Variants in ERVV-2 observed in about 807,000 individuals in gnomAD.
The protein encoded by ERVV-2 is endogenous retrovirus group V member 2, envelope, also known as endogenous retrovirus group V member 2 Env polyprotein.
For synonymous variants in ERVV-2, 105 were observed against 184.6 expected, an observed-to-expected ratio of 0.57 and a Z score of 3.49; for missense variants, 291 against 495.1, an observed-to-expected ratio of 0.59 and a Z score of 3.91.
Position 53,051,009 on chromosome 19 carries a change from C to A in ERVV-2, c.*150C>A. 1 of 631,060 alleles carries A rather than the reference C, an allele frequency of 1.6e-6. No individual in the cohort carries two copies. The highest frequency in any genetic ancestry group is 2.5e-6 in the Non-Finnish European group (1 of 395,940). 39.1% of individuals were successfully genotyped at this position (631,060 alleles called of 1,614,324 possible). On this transcript the variant is annotated 3_prime_UTR_variant, in exon 2 of 2. Transcript: ENST00000601417. ...ATATTAGGGTAGGCAGGTAGGCAGG[C>A]ATGAGCAGGCAAGAGAGCCCTTGGG...
intron 1 of ERVV-2, among the ~76,000 whole-genome samples, chr19:53,047,813 T>C (rs1339109348): frequency 6.6e-6 from 1 of 152,178 alleles, no homozygotes; most frequent in Admixed American, 6.5e-5. Flanking sequence ...CTGGATCCCC[T>C]TGGAATCTGG....
At chr19:53,045,339 G>T (rs1333863210) in intron 1 of ERVV-2, among the ~76,000 whole-genome samples, 1 of 151,872 alleles carries the variant, frequency 6.6e-6, no homozygotes, top group Admixed American at 6.6e-5. Context: ...GTCTCACTCT[G>T]TCGCCCAGGC....
rs555182105 is a variant in ERVV-2 at position 53,048,396 on chromosome 19, G to A, written c.-385-471G>A. Among the ~76,000 whole-genome samples, 6 of 144,902 alleles carry A rather than the reference G, an allele frequency of 4.1e-5. No homozygotes were observed. The East Asian group carries it at 1.3e-3, about 30-fold the overall frequency. Reference sequence around the variant, plus strand: ...ATCTCAAAAAAACAAACAAAAAAAAGGCCAGCCACAGTGGCTCATGCCTGT... The same window carrying A: ...ATCTCAAAAAAACAAACAAAAAAAAAGCCAGCCACAGTGGCTCATGCCTGT... On this transcript the variant is annotated intron_variant, in intron 1 of 1. Coordinates refer to ENST00000601417, the MANE Select transcript of ERVV-2 (RefSeq NM_001191055.2).
In ERVV-2 at chr19:53,049,169, C is replaced by T. The variant is rs2083902214; in HGVS notation, c.-83C>T. The T allele has an allele frequency of 8.8e-7, 1 of 1,141,732 alleles. No individual in the cohort carries two copies. The highest frequency in any genetic ancestry group is 1.2e-6 in the Non-Finnish European group (1 of 813,506). The allele number at this position is 1,141,732 out of a possible 1,614,324, so 70.7% of individuals were successfully genotyped here. A position where few individuals can be genotyped will look rare whatever the true frequency, so the allele number is the denominator to read the frequency against. ...TAACAGCCTGATTTCTCACTAAACACTCCATCGAACCACTTCATTATTTGT... is the reference window on the plus strand; with the variant it reads ...TAACAGCCTGATTTCTCACTAAACATTCCATCGAACCACTTCATTATTTGT... On this transcript the variant is annotated 5_prime_UTR_variant, in exon 2 of 2. Coordinates refer to ENST00000601417, the MANE Select transcript of ERVV-2 (RefSeq NM_001191055.2).
chr19:53,046,315 C>T (rs2083890978), intron 1 of ERVV-2, among the ~76,000 whole-genome samples: 1 of 152,082 alleles, frequency 6.6e-6, no homozygotes. Context: ...TCCTTCTCCG[C>T]CTGCCTACTC....
intron 1 of ERVV-2, among the ~76,000 whole-genome samples, chr19:53,045,660 T>A (rs569389500): frequency 6.6e-6 from 1 of 152,116 alleles, no homozygotes; most frequent in Non-Finnish European, 1.5e-5. Context: ...TTGCCATTCA[T>A]GGCCGTTCAC....
intron 1 of ERVV-2, among the ~76,000 whole-genome samples, chr19:53,047,016 G>A (rs896213856): frequency 4.6e-5 from 7 of 152,032 alleles, no homozygotes; most frequent in East Asian, 3.9e-4. Flanking sequence ...AAAATTAGCC[G>A]GGCCTGGTGG....
Position 53,050,476 on chromosome 19 carries a change from T to G in ERVV-2, c.1225T>G (p.Tyr409Asp), listed in dbSNP as rs1411577572. 1.4e-6 allele frequency: 1 copy of G among 723,074 alleles called. No individual in the cohort carries two copies. The highest frequency in any genetic ancestry group is 2.5e-6 in the Non-Finnish European group (1 of 403,466). 44.8% of individuals were successfully genotyped at this position (723,074 alleles called of 1,614,324 possible). Reference sequence around the variant, plus strand: ...AGTGATCAATAAATCCTGTTGCGTTTATGTCAATAACAGTGGGGCGATAGA... The same window carrying G: ...AGTGATCAATAAATCCTGTTGCGTTGATGTCAATAACAGTGGGGCGATAGA... The part of the protein sequence containing the change: ...CAVINKSCCV[Y>D]VNNSGAIEED... Residue 409 changes from tyrosine (Y) to aspartate (D), a missense_variant, in exon 2 of 2, where the codon TAT (tyrosine) becomes GAT (aspartate). Transcript: ENST00000601417.
In ERVV-2 at chr19:53,051,136, C is replaced by CTTTTTTTTTTTTTTTTTTTTTTTTTTTT. The variant is rs57887970; in HGVS notation, c.*278_*305dup. The CTTTTTTTTTTTTTTTTTTTTTTTTTTTT allele has an allele frequency of 3.6e-5, 4 of 110,014 alleles. No individual in the cohort carries two copies. Among genetic ancestry groups the CTTTTTTTTTTTTTTTTTTTTTTTTTTTT allele is most frequent in the African/African-American group, 1.9e-4 (4 of 21,158 alleles). 6.8% of individuals were successfully genotyped at this position (110,014 alleles called of 1,614,324 possible). Reference sequence around the variant, plus strand: ...TAACCCATCCTAGAACAGCCTTTTGCTTTTTTTTTTTTTTTTTTTTTTTTT... The same window carrying CTTTTTTTTTTTTTTTTTTTTTTTTTTTT: ...TAACCCATCCTAGAACAGCCTTTTGCTTTTTTTTTTTTTTTTTTTTTTTTTTTTTTTTTTTTTTTTTTTTTTTTTTTTT... On this transcript the variant is annotated 3_prime_UTR_variant, in exon 2 of 2. Coordinates refer to ENST00000601417, the MANE Select transcript of ERVV-2 (RefSeq NM_001191055.2).
At position 53,050,339 on chromosome 19, in the gene ERVV-2, C is replaced by T; in HGVS notation, c.1088C>T (p.Thr363Ile). The change falls in exon 2 of 2, where the codon ACC (threonine) becomes ATC (isoleucine). Residue 363 changes from threonine (T) to isoleucine (I), a missense_variant. By Grantham distance (89) the Thr-to-Ile change is moderately conservative. Transcript: ENST00000601417. The part of the protein sequence containing the change: ...SRQIDNIAKS[T>I]RDSISKLKAS... ...CAAATAGACAACATAGCTAAGAGTA[C>T]CAGAGATAGCATCTCTAAACTCAAG... is the stretch of plus-strand genomic sequence containing the variant. 1.4e-6 allele frequency: 1 copy of T among 711,198 alleles called. No homozygotes were observed. The highest frequency in any genetic ancestry group is 2.5e-6 in the Non-Finnish European group (1 of 393,956). 44.1% of individuals were successfully genotyped at this position (711,198 alleles called of 1,614,324 possible). A position where few individuals can be genotyped will look rare whatever the true frequency, so the allele number is the denominator to read the frequency against.
At chr19:53,045,430 G>A (rs1305710964) in intron 1 of ERVV-2, among the ~76,000 whole-genome samples, 1 of 152,088 alleles carries the variant, frequency 6.6e-6, no homozygotes, top group African/African-American at 2.4e-5. Context: ...AGCCTCCCGA[G>A]TAGCAGGGAC....
intron 1 of ERVV-2, among the ~76,000 whole-genome samples, chr19:53,047,158 C>CA (rs34952212): frequency 0.37 from 52,751 of 141,416 alleles, 7,651 homozygotes; most frequent in East Asian, 0.43. Flanking sequence ...GACTCCATGT[C>CA]AAAAAAAAAA....
At chr19:53,045,983 C>G (rs1233899051) in intron 1 of ERVV-2, among the ~76,000 whole-genome samples, 2 of 152,098 alleles carry the variant, frequency 1.3e-5, no homozygotes, top group African/African-American at 4.8e-5. Context: ...TCATTTTGGC[C>G]GGGCACGGTG....
At position 53,051,361 on chromosome 19, in the gene ERVV-2, G is replaced by A. The variant is rs1226337370; in HGVS notation, c.*502G>A. 6.6e-6 allele frequency among the ~76,000 whole-genome samples: 1 copy of A among 151,902 alleles called. No individual in the cohort carries two copies. The highest frequency in any genetic ancestry group is 1.5e-5 in the Non-Finnish European group (1 of 67,990). ...GGGTTTCACCATGTTGGTCAGGCTAGTCTCAAACTCCTGACTTCAGGTGAT... is the reference window on the plus strand; with the variant it reads ...GGGTTTCACCATGTTGGTCAGGCTAATCTCAAACTCCTGACTTCAGGTGAT... On this transcript the variant is annotated 3_prime_UTR_variant, in exon 2 of 2. Coordinates refer to ENST00000601417, the MANE Select transcript of ERVV-2 (RefSeq NM_001191055.2).
intron 1 of ERVV-2, among the ~76,000 whole-genome samples, chr19:53,046,123 G>A (rs751035330): frequency 1.8e-4 from 27 of 152,050 alleles, no homozygotes; most frequent in East Asian, 3.9e-4. Context: ...TTAGCCGGGC[G>A]TGGTGGCACA....
In ERVV-2 at chr19:53,050,596, T is replaced by A. The variant is rs370475038; in HGVS notation, c.1345T>A (p.Ser449Thr). ...SARAIWEAVK[S>T]ALPSLNWFVP... is the part of the protein sequence containing the mutation. The stretch of plus-strand genomic sequence containing the variant: ...AAGGGCCATCTGGGAGGCTGTGAAG[T>A]CTGCCCTCCCCTCCCTCAACTGGTT... Residue 449 changes from serine (S) to threonine (T), a missense_variant, in exon 2 of 2, where the codon TCT (serine) becomes ACT (threonine). Physicochemically the swap from Ser to Thr is moderately conservative, Grantham distance 58. Transcript: ENST00000601417. 9.7e-7 allele frequency: 1 copy of A among 1,025,940 alleles called. No individual in the cohort carries two copies. The highest frequency in any genetic ancestry group is 1.6e-5 in the African/African-American group (1 of 63,010). 63.6% of individuals were successfully genotyped at this position (1,025,940 alleles called of 1,614,324 possible). A position where few individuals can be genotyped will look rare whatever the true frequency, so the allele number is the denominator to read the frequency against.
rs57887970 is a variant in ERVV-2, at chr19:53,051,136, C to CTTTT, written c.*302_*305dup. 7.9e-4 allele frequency: 88 copies of CTTTT among 111,248 alleles called. 10 individuals are homozygous for CTTTT. Among genetic ancestry groups the CTTTT allele is most frequent in the Non-Finnish European group, 9.8e-4 (63 of 64,590 alleles). The allele number at this position is 111,248 out of a possible 1,614,324, so 6.9% of individuals were successfully genotyped here. A position where few individuals can be genotyped will look rare whatever the true frequency, so the allele number is the denominator to read the frequency against. The stretch of plus-strand genomic sequence containing the variant: ...TAACCCATCCTAGAACAGCCTTTTG[C>CTTTT]TTTTTTTTTTTTTTTTTTTTTTTTT... On this transcript the variant is annotated 3_prime_UTR_variant, in exon 2 of 2. Transcript: ENST00000601417.
At chr19:53,048,435 T>A (rs1221954149) in intron 1 of ERVV-2, among the ~76,000 whole-genome samples, 1 of 151,228 alleles carries the variant, frequency 6.6e-6, no homozygotes, top group East Asian at 1.9e-4. Flanking sequence ...CCCAGTACTT[T>A]GAGAGGCTGA....
intron 1 of ERVV-2, among the ~76,000 whole-genome samples, chr19:53,047,308 A>G (rs904972962): frequency 5.3e-5 from 8 of 152,160 alleles, no homozygotes; most frequent in Non-Finnish European, 7.3e-5. Context: ...AGATAGCGCC[A>G]CTGCACTCCA....
Sources: gnomAD v4.1 joint callset for allele counts (sites outside exome capture counted in the v4.1 genomes callset) on GRCh38, gnomAD v4.1.1 for gene constraint, MANE v1.5 for transcripts, NCBI Gene and HGNC (gene_info 2026-07-23, HGNC 2026-07-21) for gene names.